Variants in CPEB1 observed in about 807,000 individuals in gnomAD.
CPEB1 encodes the protein cytoplasmic polyadenylation element-binding protein 1.
Under a neutral mutation model 65.8 loss-of-function variants are expected in CPEB1, and 7 were observed. The ratio of observed to expected loss-of-function variants is 0.11; its 90% CI spans 0.06 to 0.20. The LOEUF is 0.20. CPEB1 is among the 10% of genes least tolerant of loss of function. CPEB1 has a pLI of 1.00. For synonymous variants in CPEB1, 262 were observed against 260.0 expected, an observed-to-expected ratio of 1.01 and a Z score of -0.08; for missense variants, 551 against 712.2, an observed-to-expected ratio of 0.77 and a Z score of 2.58.
chr15:82,636,345 C>G (rs896565954), intron 1 of CPEB1, among the ~76,000 whole-genome samples: 31 of 152,204 alleles, frequency 2.0e-4, no homozygotes, highest in African/African-American at 7.2e-4. Flanking sequence ...ACTGATACTT[C>G]AAGTCTATCT....
chr15:82,573,096 T>C (rs1321891082), intron 3 of CPEB1: 14 of 1,535,622 alleles, frequency 9.1e-6, no homozygotes, highest in East Asian at 2.4e-5. Context: ...CATGCCCACC[T>C]GGGACCTCCC....
At chr15:82,594,805 G>C (rs992969068) in intron 3 of CPEB1, among the ~76,000 whole-genome samples, 4 of 151,924 alleles carry the variant, frequency 2.6e-5, no homozygotes, top group Admixed American at 6.6e-5. Flanking sequence ...GCCATTGTAG[G>C]GTTATTAATT....
At chr15:82,565,686 G>A (rs2039001310) in intron 4 of CPEB1, among the ~76,000 whole-genome samples, 1 of 152,206 alleles carries the variant, frequency 6.6e-6, no homozygotes, top group Non-Finnish European at 1.5e-5. Flanking sequence ...GAGGGGTGGT[G>A]AGAAGTCCTA....
rs553449656 is a variant in CPEB1 at position 82,577,741 on chromosome 15, TCA to T, written c.272-6211_272-6210del. Among the ~76,000 whole-genome samples, 758 of 152,178 alleles carry T rather than the reference TCA, an allele frequency of 5.0e-3. 3 individuals are homozygous for T. The highest frequency in any genetic ancestry group is 8.3e-3 in the Non-Finnish European group (563 of 67,992). ...TCTTGCTATGTTGCCCAAGCTGTTC[TCA>T]GACTCTTGAGCTCAAGTGATCTGCC... On this transcript the variant is annotated intron_variant, in intron 3 of 12. Coordinates refer to ENST00000684509, the MANE Select transcript of CPEB1 (RefSeq NM_001365242.1).
intron 3 of CPEB1, among the ~76,000 whole-genome samples, chr15:82,587,167 T>C (rs1034210813): frequency 3.9e-5 from 6 of 152,204 alleles, no homozygotes; most frequent in Non-Finnish European, 7.4e-5. Flanking sequence ...CAATATTCAA[T>C]GGTGATGAGC....
At chr15:82,557,597 A>T (rs1214185546) in intron 5 of CPEB1, 163 bp downstream of exon 5, 2 of 623,050 alleles carry the variant, frequency 3.2e-6, no homozygotes, top group East Asian at 5.5e-5. Flanking sequence ...GTTAAGGATG[A>T]GAACTCTACA....
At chr15:82,589,411 A>G (rs1322979167) in intron 3 of CPEB1, among the ~76,000 whole-genome samples, 1 of 152,156 alleles carries the variant, frequency 6.6e-6, no homozygotes, top group Non-Finnish European at 1.5e-5. Context: ...ATCATTCCTT[A>G]TCACATCCCA....
intron 12 of CPEB1, among the ~76,000 whole-genome samples, chr15:82,545,402 A>T (rs2035004067): frequency 6.6e-6 from 1 of 152,172 alleles, no homozygotes; most frequent in Non-Finnish European, 1.5e-5. Context: ...CAAATTTTTA[A>T]ACAAAATTTA....
rs562922384 is a variant in CPEB1, at chr15:82,611,111, G to T, written c.271+16082C>A. ...CACTTCTATTCAAAACTGTACTGAA[G>T]ATTTTAGCCAGCACAATTAGGAAGG... On this transcript the variant is annotated intron_variant, in intron 3 of 12. Coordinates refer to ENST00000684509, the MANE Select transcript of CPEB1 (RefSeq NM_001365242.1). Among the ~76,000 whole-genome samples the T allele has an allele frequency of 4.7e-5, 7 of 149,960 alleles. No homozygotes were observed. In the South Asian group the frequency reaches 1.5e-3, roughly 32 times the overall value.
intron 3 of CPEB1, among the ~76,000 whole-genome samples, chr15:82,624,813 T>C (rs185996539): frequency 4.0e-5 from 6 of 149,338 alleles, no homozygotes; most frequent in Non-Finnish European, 8.9e-5. Flanking sequence ...TAAGTCATTG[T>C]TGAATTGTTG....
At chr15:82,627,420 C>G (rs1444275595) in intron 2 of CPEB1, 53 bp from the exon 3 acceptor site, 2 of 1,355,916 alleles carry the variant, frequency 1.5e-6, no homozygotes, top group African/African-American at 1.5e-5. Flanking sequence ...TTTATGACCC[C>G]CTTTCTCTCC....
chr15:82,617,082 G>GC (rs1372715648), intron 3 of CPEB1, among the ~76,000 whole-genome samples: 1 of 152,056 alleles, frequency 6.6e-6, no homozygotes, highest in African/African-American at 2.4e-5. Flanking sequence ...GAGTCCTCTT[G>GC]CCCAGGCAAC....
chr15:82,591,449 A>C (rs1265662315), intron 3 of CPEB1, among the ~76,000 whole-genome samples: 3 of 152,092 alleles, frequency 2.0e-5, no homozygotes, highest in Admixed American at 1.3e-4. Context: ...AATTTTTAGT[A>C]GAGACAGGGC....
At chr15:82,552,967 A>G (rs2036543183) in intron 8 of CPEB1, among the ~76,000 whole-genome samples, 1 of 152,198 alleles carries the variant, frequency 6.6e-6, no homozygotes. Flanking sequence ...TACTTAAACC[A>G]TTAGTTCAGT....
At position 82,595,441 on chromosome 15, in the gene CPEB1, C is replaced by T. The variant is rs2042597518; in HGVS notation, c.272-23909G>A. ...TATAAGAGTTTCACTTTTTCTACAT[C>T]CTGATCAACAATTGTTACTGCCTTT... On this transcript the variant is annotated intron_variant, in intron 3 of 12. Transcript: ENST00000684509. 2.0e-5 allele frequency among the ~76,000 whole-genome samples: 3 copies of T among 152,232 alleles called. No homozygotes were observed. The South Asian group carries it at 6.2e-4, about 31-fold the overall frequency.
At chr15:82,642,339 A>C (rs895570219) in intron 1 of CPEB1, among the ~76,000 whole-genome samples, 5 of 152,234 alleles carry the variant, frequency 3.3e-5, no homozygotes, top group African/African-American at 1.2e-4. Flanking sequence ...GGATGGCTTG[A>C]GCCGAGGATA....
chr15:82,587,846 A>G (rs2151130360), intron 3 of CPEB1, among the ~76,000 whole-genome samples: 1 of 152,318 alleles, frequency 6.6e-6, no homozygotes, highest in East Asian at 1.9e-4. Flanking sequence ...GTTTATACCT[A>G]AGTACAAACA....
intron 6 of CPEB1, among the ~76,000 whole-genome samples, chr15:82,554,427 C>T (rs1001895912): frequency 6.6e-6 from 1 of 152,156 alleles, no homozygotes; most frequent in African/African-American, 2.4e-5. Flanking sequence ...AAATGAGAAA[C>T]ATTCTATTCT....
intron 3 of CPEB1, among the ~76,000 whole-genome samples, chr15:82,605,785 T>C (rs192507960): frequency 6.6e-6 from 1 of 152,314 alleles, no homozygotes; most frequent in East Asian, 1.9e-4. Flanking sequence ...ATGCCTGTAA[T>C]CCTAGCACTT....
Sources: allele counts gnomAD v4.1 joint callset (sites outside exome capture counted in the v4.1 genomes callset), GRCh38; gene constraint gnomAD v4.1.1; transcripts MANE v1.5; gene names NCBI Gene and HGNC (gene_info 2026-07-23, HGNC 2026-07-21).